FGF7: variants seen among roughly 807,000 people sequenced by gnomAD.
FGF7 encodes the protein FGF-7.
FGF7 carries 6 observed loss-of-function variants against 20.5 expected under a neutral mutation model. That is an observed-to-expected ratio of 0.29 (90% CI 0.16 to 0.58). The LOEUF (loss-of-function observed/expected upper bound fraction) is 0.58, where lower values mean the gene tolerates loss of function less well. Among genes scored for constraint, FGF7 ranks in the 20% least tolerant of loss-of-function variants. The pLI is 0.90. For missense variants in FGF7, 144 were observed against 228.8 expected (o/e 0.63, Z 2.39); for synonymous variants, 64 against 74.7 (o/e 0.86, Z 0.74).
chr15:49,448,116 T>C (rs1002166799), intron 2 of FGF7, among the ~76,000 whole-genome samples: 2 of 151,790 alleles, frequency 1.3e-5, no homozygotes, highest in African/African-American at 4.8e-5. Context: ...CAACATATTA[T>C]GCTCCTATTT....
intron 2 of FGF7, among the ~76,000 whole-genome samples, chr15:49,459,183 A>G (rs1024029037): frequency 2.0e-5 from 3 of 151,892 alleles, no homozygotes; most frequent in Admixed American, 6.6e-5. Context: ...TTCTCACACC[A>G]CATTGTAATT....
At chr15:49,428,677 A>C (rs1018185566) in intron 2 of FGF7, among the ~76,000 whole-genome samples, 3 of 151,988 alleles carry the variant, frequency 2.0e-5, no homozygotes, top group Non-Finnish European at 4.4e-5. Context: ...ATCCCTCAGG[A>C]TAATTTTCAT....
intron 2 of FGF7, among the ~76,000 whole-genome samples, chr15:49,447,056 TA>T (rs755782705): frequency 6.6e-6 from 1 of 151,586 alleles, no homozygotes; most frequent in African/African-American, 2.4e-5. Context: ...ACTGTGATTC[TA>T]CTAACATTAC....
intron 2 of FGF7, among the ~76,000 whole-genome samples, chr15:49,468,515 T>C (rs2054463756): frequency 6.6e-6 from 1 of 152,182 alleles, no homozygotes; most frequent in South Asian, 2.1e-4. Flanking sequence ...GGTAAAGTGA[T>C]CCAACGACAA....
At chr15:49,458,415 TAA>T (rs2053510334) in intron 2 of FGF7, among the ~76,000 whole-genome samples, 1 of 152,150 alleles carries the variant, frequency 6.6e-6, no homozygotes, top group Non-Finnish European at 1.5e-5. Flanking sequence ...CTTGTGTTTC[TAA>T]TTAATTCTCA....
intron 2 of FGF7, among the ~76,000 whole-genome samples, chr15:49,474,493 G>A (rs1451351937): frequency 6.6e-6 from 1 of 152,090 alleles, no homozygotes; most frequent in Non-Finnish European, 1.5e-5. Context: ...ATAGCTGACA[G>A]ACAGGTAAAT....
In FGF7 at chr15:49,446,402, C is replaced by T. The variant is rs564966367; in HGVS notation, c.286+21819C>T. Among the ~76,000 whole-genome samples the T allele has an allele frequency of 6.6e-5, 10 of 151,506 alleles. No homozygotes were observed. In the South Asian group the frequency reaches 1.9e-3, roughly 28 times the overall value. On this transcript the variant is annotated intron_variant, in intron 2 of 3. Transcript: ENST00000267843. ...TGTGACTTTTACCCTTAATGTACTG[C>T]CATAGGAAATAATTTGGTAAGTTAC... is the stretch of plus-strand genomic sequence containing the variant.
intron 2 of FGF7, among the ~76,000 whole-genome samples, chr15:49,453,174 T>C (rs772487139): frequency 6.6e-5 from 10 of 152,162 alleles, no homozygotes; most frequent in Admixed American, 2.0e-4. Context: ...TAATAACAAC[T>C]GTATTTTTCT....
chr15:49,456,275 T>C (rs1318003275), intron 2 of FGF7, among the ~76,000 whole-genome samples: 2 of 152,142 alleles, frequency 1.3e-5, no homozygotes, highest in Non-Finnish European at 2.9e-5. Context: ...TTGATGATCA[T>C]AATAGAATGC....
At chr15:49,449,120 G>T (rs914549235) in intron 2 of FGF7, among the ~76,000 whole-genome samples, 2 of 151,942 alleles carry the variant, frequency 1.3e-5, no homozygotes, top group African/African-American at 2.4e-5. Flanking sequence ...AGACTTGAAT[G>T]ATACCTTCAG....
intron 2 of FGF7, among the ~76,000 whole-genome samples, chr15:49,464,062 C>T (rs995724405): frequency 6.6e-6 from 1 of 152,028 alleles, no homozygotes; most frequent in Non-Finnish European, 1.5e-5. Context: ...TCCCCAAACA[C>T]CTGCTGTATG....
intron 2 of FGF7, among the ~76,000 whole-genome samples, chr15:49,455,229 C>T (rs547115865): frequency 1.1e-4 from 16 of 152,292 alleles, no homozygotes; most frequent in Non-Finnish European, 1.8e-4. Flanking sequence ...GTCAGGCATT[C>T]TGCTAGGTGG....
intron 2 of FGF7, among the ~76,000 whole-genome samples, chr15:49,474,902 A>G (rs2055112125): frequency 6.6e-6 from 1 of 152,146 alleles, no homozygotes; most frequent in South Asian, 2.1e-4. Context: ...CCGTCCCCTG[A>G]CTGTTGGTTT....
At chr15:49,468,722 T>C (rs1268068743) in intron 2 of FGF7, among the ~76,000 whole-genome samples, 1 of 152,136 alleles carries the variant, frequency 6.6e-6, no homozygotes, top group African/African-American at 2.4e-5. Context: ...CTCAATTCTT[T>C]CCTAACTCAA....
intron 2 of FGF7, among the ~76,000 whole-genome samples, chr15:49,455,455 T>C (rs933041126): frequency 6.6e-6 from 1 of 152,152 alleles, no homozygotes; most frequent in Non-Finnish European, 1.5e-5. Context: ...AGTAATAAAA[T>C]TGTAGTAAGG....
chr15:49,452,357 C>G (rs932298622), intron 2 of FGF7, among the ~76,000 whole-genome samples: 2 of 152,048 alleles, frequency 1.3e-5, no homozygotes, highest in Non-Finnish European at 2.9e-5. Flanking sequence ...CCGGCCCCAA[C>G]CAGAATTTTA....
rs900235410 is a variant in FGF7, at chr15:49,485,660, T to C, written c.*1156T>C. 6.6e-6 allele frequency: 1 copy of C among 152,610 alleles called. No individual in the cohort carries two copies. The highest frequency in any genetic ancestry group is 2.4e-5 in the African/African-American group (1 of 41,532). The allele number at this position is 152,610 out of a possible 1,614,324, so 9.5% of individuals were successfully genotyped here. ...TAAGAGCCTGAAGCAATGCTTACAA[T>C]AGATGTCTCACACAGAACAATACAA... On this transcript the variant is annotated 3_prime_UTR_variant, in exon 4 of 4. Transcript: ENST00000267843.
chr15:49,426,778 T>A (rs2151761039), intron 2 of FGF7, among the ~76,000 whole-genome samples: 1 of 152,030 alleles, frequency 6.6e-6, no homozygotes, highest in African/African-American at 2.4e-5. Flanking sequence ...ACAATACCAG[T>A]GTACTAAAAA....
intron 2 of FGF7, among the ~76,000 whole-genome samples, chr15:49,466,788 C>G (rs2054303436): frequency 1.3e-5 from 2 of 152,012 alleles, no homozygotes; most frequent in South Asian, 4.2e-4. Flanking sequence ...GGTCTTTAAC[C>G]CTTTTTAAAT....
Sources: allele counts gnomAD v4.1 joint callset (sites outside exome capture counted in the v4.1 genomes callset), GRCh38; gene constraint gnomAD v4.1.1; transcripts MANE v1.5; gene names NCBI Gene and HGNC (gene_info 2026-07-23, HGNC 2026-07-21).